Variants in GATB observed in about 807,000 individuals in gnomAD.
GATB encodes the protein glutamyl-tRNA(Gln) amidotransferase subunit B, mitochondrial.
In GATB, 39 loss-of-function variants were observed where a neutral mutation model predicts 62.3. The ratio of observed to expected loss-of-function variants is 0.63; its 90% CI spans 0.48 to 0.82. The LOEUF (loss-of-function observed/expected upper bound fraction) is 0.82. GATB is among the 40% of genes least tolerant of loss of function. The pLI is 0.00. For synonymous variants in GATB, 276 were observed against 258.9 expected (o/e 1.07, Z -0.63); for missense variants, 670 against 684.0 (o/e 0.98, Z 0.23).
rs201426580 is a variant in GATB, at chr4:151,707,996, T to C, written c.869A>G (p.Lys290Arg). 1.2e-6 allele frequency: 2 copies of C among 1,610,330 alleles called. No individual in the cohort carries two copies. Among genetic ancestry groups the C allele is most frequent in the Non-Finnish European group, 8.5e-7 (1 of 1,176,492 alleles). The stretch of plus-strand genomic sequence containing the variant: ...CGGCAGCTGGCATTCACCTATGGCT[T>C]TGGCCAGGAACCTGATGCTGTTGAG... Reference protein sequence around the residue: ...KNLNSIRFLAKAIDYEIQRQI... With the variant: ...KNLNSIRFLARAIDYEIQRQI... Residue 290 changes from lysine to arginine, a missense_variant, in exon 6 of 13, where the codon AAA becomes AGA. Transcript: ENST00000263985.
chr4:151,672,725 G>A, intron 12 of GATB, 37 bp downstream of exon 12: 1 of 1,605,044 alleles, frequency 6.2e-7, no homozygotes, highest in Non-Finnish European at 8.5e-7. Context: ...ATGTCCTGGG[G>A]CTGGCTCTGG....
intron 10 of GATB, among the ~76,000 whole-genome samples, chr4:151,682,107 G>C (rs1318076665): frequency 6.6e-6 from 1 of 152,194 alleles, no homozygotes. Flanking sequence ...GTTCATCTAA[G>C]GACCTTAATT....
intron 2 of GATB, among the ~76,000 whole-genome samples, chr4:151,744,062 A>T (rs1327822492): frequency 6.6e-6 from 1 of 152,240 alleles, no homozygotes; most frequent in Non-Finnish European, 1.5e-5. Flanking sequence ...AAAGCTTTAC[A>T]CACCTCAATA....
At chr4:151,737,865 C>T (rs1739408974) in intron 2 of GATB, among the ~76,000 whole-genome samples, 1 of 152,148 alleles carries the variant, frequency 6.6e-6, no homozygotes, top group Non-Finnish European at 1.5e-5. Context: ...AAGTCAAGAA[C>T]CAAGGTTTGG....
intron 7 of GATB, among the ~76,000 whole-genome samples, chr4:151,704,253 A>T (rs1377533180): frequency 1.3e-5 from 2 of 152,314 alleles, no homozygotes; most frequent in East Asian, 3.9e-4. Flanking sequence ...CTCTACAACC[A>T]GGTCTTCACT....
intron 2 of GATB, among the ~76,000 whole-genome samples, chr4:151,748,671 T>C (rs1380233116): frequency 6.6e-6 from 1 of 152,162 alleles, no homozygotes; most frequent in Non-Finnish European, 1.5e-5. Context: ...TGGGATCTAA[T>C]TAAACTAAAG....
chr4:151,734,346 C>T (rs1264313011), intron 2 of GATB, among the ~76,000 whole-genome samples: 1 of 118,918 alleles, frequency 8.4e-6, no homozygotes, highest in African/African-American at 3.8e-5. Context: ...TTTAAAATAG[C>T]TGCCAAAAAA....
chr4:151,681,460 C>T (rs533090634), intron 10 of GATB, among the ~76,000 whole-genome samples: 43 of 152,182 alleles, frequency 2.8e-4, no homozygotes, highest in African/African-American at 8.4e-4. Context: ...AAAAACCTAC[C>T]TTTACTAACA....
intron 12 of GATB, among the ~76,000 whole-genome samples, chr4:151,672,318 C>A (rs79150013): frequency 0.025 from 3,862 of 152,270 alleles, 72 homozygotes; most frequent in Middle Eastern, 0.095. Flanking sequence ...TGCCTTTCTT[C>A]CCACCTCTTA....
chr4:151,756,785 T>C (rs1459635937), intron 2 of GATB, among the ~76,000 whole-genome samples: 1 of 152,244 alleles, frequency 6.6e-6, no homozygotes, highest in Non-Finnish European at 1.5e-5. Context: ...TTAATTATTT[T>C]GAATTTTTCT....
chr4:151,697,971 A>ATGTG (rs1349977946), intron 9 of GATB, among the ~76,000 whole-genome samples: 1 of 89,376 alleles, frequency 1.1e-5, no homozygotes, highest in Admixed American at 1.0e-4. Flanking sequence ...ATATATATAT[A>ATGTG]TATATATATA....
intron 3 of GATB, 21 bp downstream of exon 3, chr4:151,719,404 T>A: frequency 6.5e-7 from 1 of 1,547,376 alleles, no homozygotes; most frequent in Non-Finnish European, 8.9e-7. Context: ...TGCAGTGGGG[T>A]GGATCACAAA....
intron 11 of GATB, chr4:151,675,188 G>A (rs1737971610): frequency 6.6e-6 from 1 of 152,244 alleles, no homozygotes; most frequent in South Asian, 2.1e-4. Flanking sequence ...AAACGAAGAG[G>A]CTGGCTGCTC....
intron 2 of GATB, among the ~76,000 whole-genome samples, chr4:151,755,704 C>T (rs895926242): frequency 2.6e-5 from 4 of 152,134 alleles, no homozygotes; most frequent in Admixed American, 1.3e-4. Flanking sequence ...GTGAAATGAG[C>T]GATACTTTTT....
At chr4:151,681,908 C>G (rs759397470) in intron 10 of GATB, among the ~76,000 whole-genome samples, 15 of 152,156 alleles carry the variant, frequency 9.9e-5, no homozygotes, top group Non-Finnish European at 1.9e-4. Context: ...AAAAGCCCCT[C>G]CCTCATGACC....
At chr4:151,711,102 TA>T (rs1738810312) in intron 5 of GATB, among the ~76,000 whole-genome samples, 1 of 152,204 alleles carries the variant, frequency 6.6e-6, no homozygotes, top group East Asian at 1.9e-4. Flanking sequence ...AGCCTATTTC[TA>T]AAAACCATCT....
intron 2 of GATB, among the ~76,000 whole-genome samples, chr4:151,738,387 A>G (rs1457884387): frequency 6.6e-6 from 1 of 152,202 alleles, no homozygotes; most frequent in East Asian, 1.9e-4. Flanking sequence ...TGATGGTTTT[A>G]AAGATGGGAA....
At chr4:151,722,183 G>A in intron 2 of GATB, 2 of 702,206 alleles carry the variant, frequency 2.8e-6, no homozygotes, top group Non-Finnish European at 5.2e-6. Context: ...ATAGGATACA[G>A]AATGGGAAAA....
chr4:151,753,515 A>T (rs1185385700), intron 2 of GATB, among the ~76,000 whole-genome samples: 1 of 152,110 alleles, frequency 6.6e-6, no homozygotes, highest in African/African-American at 2.4e-5. Context: ...TTGTAGGCTT[A>T]TCACATTTGC....
Sources: gnomAD v4.1 joint callset for allele counts (sites outside exome capture counted in the v4.1 genomes callset) on GRCh38, gnomAD v4.1.1 for gene constraint, MANE v1.5 for transcripts, NCBI Gene and HGNC (gene_info 2026-07-23, HGNC 2026-07-21) for gene names.